Variants in TTC23L observed in about 807,000 individuals in gnomAD.
TTC23L encodes the protein tetratricopeptide repeat protein 23-like.
Under a neutral mutation model 48.1 loss-of-function variants are expected in TTC23L, and 42 were observed. That is an observed-to-expected ratio of 0.87 (90% CI 0.68 to 1.13). The LOEUF is 1.13. Ranked by LOEUF, TTC23L falls within the 50% of genes most tolerant of loss-of-function variation. The probability of loss-of-function intolerance (pLI) is 0.00; values close to 1 mark genes in which losing one functional copy is unlikely to be tolerated. For missense variants in TTC23L, 391 were observed against 421.0 expected (o/e 0.93, Z 0.62); for synonymous variants, 159 against 157.2 (o/e 1.01, Z -0.09).
At chr5:34,854,970 G>C (rs1760002577) in intron 4 of TTC23L, among the ~76,000 whole-genome samples, 1 of 152,188 alleles carries the variant, frequency 6.6e-6, no homozygotes, top group Non-Finnish European at 1.5e-5. Flanking sequence ...TAGATTCAAG[G>C]GGGAGGTGGA....
At chr5:34,912,596 A>G in the TTC23L span, among the ~76,000 whole-genome samples, 1 of 152,208 alleles carries the variant, frequency 6.6e-6, no homozygotes, top group Non-Finnish European at 1.5e-5. Flanking sequence ...TTGCTTTCCT[A>G]TGAAATAAAA....
At chr5:34,916,356 C>G in the TTC23L span, 1 of 153,726 alleles carries the variant, frequency 6.5e-6, no homozygotes, top group African/African-American at 2.4e-5. Context: ...GGGACTGTGA[C>G]TCTGACTTGT....
At chr5:34,842,526 A>G (rs775451031) in intron 2 of TTC23L, among the ~76,000 whole-genome samples, 3 of 152,236 alleles carry the variant, frequency 2.0e-5, no homozygotes, top group Non-Finnish European at 4.4e-5. Context: ...CCTTGCCTCT[A>G]GTGGACGAAG....
chr5:34,844,854 T>C (rs899094048), intron 2 of TTC23L, among the ~76,000 whole-genome samples: 8 of 152,192 alleles, frequency 5.3e-5, no homozygotes, highest in African/African-American at 1.9e-4. Flanking sequence ...TAGCGTGGGG[T>C]TCCCTCCCTG....
intron 3 of TTC23L, among the ~76,000 whole-genome samples, 192 bp downstream of exon 3, chr5:34,845,865 G>T (rs112818704): frequency 0.088 from 13,371 of 152,176 alleles, 925 homozygotes; most frequent in Non-Finnish European, 0.12. Flanking sequence ...ATGGTTCATT[G>T]TCTGTTCCTC....
At chr5:34,908,968 A>G in the TTC23L span, 1 of 1,583,060 alleles carries the variant, frequency 6.3e-7, no homozygotes, top group Non-Finnish European at 8.6e-7. Flanking sequence ...AAAAAATAAA[A>G]CGCTGTTATA....
At chr5:34,898,457 T>G (rs1284365804) in intron 10 of TTC23L, among the ~76,000 whole-genome samples, 3 of 152,212 alleles carry the variant, frequency 2.0e-5, no homozygotes, top group African/African-American at 7.2e-5. Flanking sequence ...AGGGGAATCC[T>G]GCCACCTTGT....
chr5:34,868,869 TG>T (rs1158810263), intron 7 of TTC23L, 35 bp from the exon 8 acceptor site: 1 of 1,548,186 alleles, frequency 6.5e-7, no homozygotes, highest in East Asian at 2.4e-5. Context: ...ACACTGTCAT[TG>T]GGTGCTTACC....
At chr5:34,844,469 C>CT (rs1758950293) in intron 2 of TTC23L, among the ~76,000 whole-genome samples, 1 of 139,182 alleles carries the variant, frequency 7.2e-6, no homozygotes, top group African/African-American at 2.7e-5. Flanking sequence ...AAAGGTTACA[C>CT]TTGGCAGTTA....
chr5:34,888,996 T>C (rs527414141), intron 9 of TTC23L, among the ~76,000 whole-genome samples: 16 of 152,322 alleles, frequency 1.1e-4, no homozygotes, highest in South Asian at 8.3e-4. Context: ...TCAGATTCTT[T>C]TTTTAAATGT....
intron 4 of TTC23L, among the ~76,000 whole-genome samples, chr5:34,861,956 A>G (rs973429950): frequency 1.3e-5 from 2 of 152,138 alleles, no homozygotes; most frequent in African/African-American, 4.8e-5. Context: ...CAAGGGGACA[A>G]ATGAGATGTG....
chr5:34,868,947 A>C, exon 8 of TTC23L: 1 of 1,611,638 alleles, frequency 6.2e-7, no homozygotes, highest in Non-Finnish European at 8.5e-7. Context: ...AGTCAGCCCC[A>C]AAACTGCAGA....
intron 8 of TTC23L, among the ~76,000 whole-genome samples, chr5:34,874,587 G>A (rs1262565996): frequency 6.6e-6 from 1 of 152,112 alleles, no homozygotes; most frequent in Non-Finnish European, 1.5e-5. Flanking sequence ...GCTGGGTGCA[G>A]TGGCTCATGC....
the TTC23L span, chr5:34,923,180 C>T: frequency 2.1e-5 from 34 of 1,614,062 alleles, 1 homozygote; most frequent in South Asian, 3.5e-4. Flanking sequence ...CATTTGTGGA[C>T]CACGTGTTTA....
chr5:34,847,740 G>A lies in TTC23L; in HGVS notation c.255+2067G>A, dbSNP rs140107124. Reference sequence around the variant, plus strand: ...TAGTATTTGCTGTGGTCAGCCCATGGTGAACTCTAAAAAATGCTGACTAAA... The same window carrying A: ...TAGTATTTGCTGTGGTCAGCCCATGATGAACTCTAAAAAATGCTGACTAAA... On this transcript the variant is annotated intron_variant, in intron 3 of 10. Coordinates refer to ENST00000505624, the Ensembl canonical transcript of TTC23L. 4.3e-3 allele frequency among the ~76,000 whole-genome samples: 653 copies of A among 152,278 alleles called. 5 individuals are homozygous for A. The highest frequency in any genetic ancestry group is 0.015 in the African/African-American group (637 of 41,552).
intron 2 of TTC23L, among the ~76,000 whole-genome samples, chr5:34,841,349 T>A (rs558571069): frequency 2.6e-5 from 4 of 152,202 alleles, no homozygotes; most frequent in Non-Finnish European, 5.9e-5. Context: ...CTAAGTACCT[T>A]AAACGTCTTA....
chr5:34,876,189 T>C (rs1263467244), intron 8 of TTC23L, among the ~76,000 whole-genome samples: 4 of 152,110 alleles, frequency 2.6e-5, no homozygotes, highest in African/African-American at 9.7e-5. Context: ...AAATCAGTAA[T>C]CTAAGTTTCT....
At chr5:34,914,806 A>G in the TTC23L span, 5 of 1,614,236 alleles carry the variant, frequency 3.1e-6, no homozygotes, top group Middle Eastern at 3.3e-4. Context: ...CTTTCAAGAT[A>G]GTGGAGAGAT....
chr5:34,845,506 C>G (rs1434579011), exon 3 of TTC23L: 4 of 1,613,322 alleles, frequency 2.5e-6, no homozygotes, highest in Non-Finnish European at 3.4e-6. Context: ...AACCGAGATC[C>G]CAGCTCACCA....
Sources: gnomAD v4.1 joint callset for allele counts (sites outside exome capture counted in the v4.1 genomes callset) on GRCh38, gnomAD v4.1.1 for gene constraint, MANE v1.5 for transcripts, NCBI Gene and HGNC (gene_info 2026-07-23, HGNC 2026-07-21) for gene names.